The following VTA1 variants were observed in gnomAD, a reference collection of about 807,000 sequenced individuals.
VTA1 encodes vacuolar protein sorting-associated protein VTA1 homolog.
Under a neutral mutation model 36.9 loss-of-function variants are expected in VTA1, and 24 were observed. The ratio of observed to expected loss-of-function variants is 0.65; its 90% CI spans 0.47 to 0.91. VTA1 has a LOEUF of 0.91. Among genes scored for constraint, VTA1 ranks in the 40% least tolerant of loss-of-function variants. The probability of loss-of-function intolerance (pLI) is 0.00; values close to 1 mark genes in which losing one functional copy is unlikely to be tolerated. For missense variants in VTA1, 393 were observed against 377.2 expected, an observed-to-expected ratio of 1.04 and a Z score of -0.35; for synonymous variants, 142 against 130.2, an observed-to-expected ratio of 1.09 and a Z score of -0.62.
chr6:142,213,602 C>T (rs1775946179), intron 7 of VTA1, among the ~76,000 whole-genome samples: 1 of 152,268 alleles, frequency 6.6e-6, no homozygotes, highest in Admixed American at 6.5e-5. Flanking sequence ...CAGTGCAGCA[C>T]ACTTCTGCCT....
chr6:142,196,393 A>G (rs2114671482), intron 5 of VTA1, among the ~76,000 whole-genome samples: 1 of 152,302 alleles, frequency 6.6e-6, no homozygotes, highest in East Asian at 1.9e-4. Flanking sequence ...GTTTAAACAA[A>G]TCTAGATCTT....
intron 4 of VTA1, among the ~76,000 whole-genome samples, chr6:142,177,370 T>A (rs1331820711): frequency 6.6e-6 from 1 of 152,234 alleles, no homozygotes; most frequent in Non-Finnish European, 1.5e-5. Context: ...TATGTAAGCC[T>A]GTTTCAACAT....
intron 2 of VTA1, among the ~76,000 whole-genome samples, chr6:142,167,779 A>G (rs1204486919): frequency 6.6e-6 from 1 of 152,206 alleles, no homozygotes; most frequent in African/African-American, 2.4e-5. Flanking sequence ...GCATTTCTAC[A>G]GCTGCTTCTA....
At chr6:142,211,609 G>T (rs989477514) in intron 7 of VTA1, among the ~76,000 whole-genome samples, 2 of 151,908 alleles carry the variant, frequency 1.3e-5, no homozygotes, top group East Asian at 3.9e-4. Context: ...TACTCGGGAG[G>T]CTGAGGCAGG....
At chr6:142,158,778 T>C (rs1463019679) in intron 1 of VTA1, among the ~76,000 whole-genome samples, 1 of 152,166 alleles carries the variant, frequency 6.6e-6, no homozygotes, top group Admixed American at 6.5e-5. Context: ...AGTTACTAGA[T>C]ATTCCTCTTT....
chr6:142,198,113 ATATATATG>A (rs1426099204), intron 5 of VTA1, among the ~76,000 whole-genome samples: 2 of 116,968 alleles, frequency 1.7e-5, no homozygotes, highest in African/African-American at 7.2e-5. Flanking sequence ...AAATATATAT[ATATATATG>A]TGTGTGTGTG....
At position 142,219,262 on chromosome 6, in the gene VTA1, C is replaced by T. The variant is rs574160213; in HGVS notation, c.*619C>T. On this transcript the variant is annotated 3_prime_UTR_variant, in exon 8 of 8. Transcript: ENST00000367630. ...GTAAAGAGGTAGAATCACTTTCAGA[C>T]TTAAGAATAATGTTGATTTCCCAAG... 2 of 152,240 alleles carry T rather than the reference C, an allele frequency of 1.3e-5. No individual in the cohort carries two copies. Among genetic ancestry groups the T allele is most frequent in the East Asian group, 3.9e-4 (2 of 5,186 alleles). 9.4% of individuals were successfully genotyped at this position (152,240 alleles called of 1,614,324 possible). A position where few individuals can be genotyped will look rare whatever the true frequency, so the allele number is the denominator to read the frequency against.
intron 5 of VTA1, among the ~76,000 whole-genome samples, chr6:142,197,683 G>A (rs916956537): frequency 2.0e-5 from 3 of 152,098 alleles, no homozygotes; most frequent in African/African-American, 4.8e-5. Flanking sequence ...GTAAAAGTCC[G>A]CTGTCAGAAA....
rs555876258 is a variant in VTA1, at chr6:142,177,056, AT to A, written c.411+6637del. ...ATATTTTCCAACTACAAAAGCATTT[AT>A]TCCTTACATACACCATACTTTAGGT... On this transcript the variant is annotated intron_variant, in intron 4 of 7. Transcript: ENST00000367630. Among the ~76,000 whole-genome samples, 757 of 152,342 alleles carry A rather than the reference AT, an allele frequency of 5.0e-3. 5 individuals are homozygous for A. The highest frequency in any genetic ancestry group is 9.2e-3 in the Non-Finnish European group (625 of 68,012).
At position 142,181,273 on chromosome 6, in the gene VTA1, A is replaced by G. The variant is rs919774764; in HGVS notation, c.412-8153A>G. ...CTCAGCCTCCTGAGTAGCTGGGACT[A>G]CAGGTGGCTGCTACCATGCCCAGCT... On this transcript the variant is annotated intron_variant, in intron 4 of 7. Transcript: ENST00000367630. Among the ~76,000 whole-genome samples, 15 of 147,248 alleles carry G rather than the reference A, an allele frequency of 1.0e-4. No homozygotes were observed. The East Asian group carries it at 2.6e-3, about 25-fold the overall frequency.
intron 7 of VTA1, among the ~76,000 whole-genome samples, chr6:142,204,538 C>G (rs963053856): frequency 1.3e-5 from 2 of 152,122 alleles, no homozygotes; most frequent in African/African-American, 4.8e-5. Context: ...TAAGTATAAT[C>G]TTTACTACTT....
chr6:142,147,538 C>T (rs533462843), intron 1 of VTA1, 139 bp downstream of exon 1: 47 of 802,956 alleles, frequency 5.9e-5, no homozygotes, highest in Non-Finnish European at 6.0e-5. Flanking sequence ...CCAGGGAACT[C>T]CCTGGGTTCC....
rs558794357 is a variant in VTA1, at chr6:142,166,856, C to T, written c.207+534C>T. ...GGCCAGGCCTGTCTGAAACTCCTGA[C>T]CTCAAGTTATACACTCACCTCAGCC... is the stretch of plus-strand genomic sequence containing the variant. On this transcript the variant is annotated intron_variant, in intron 2 of 7. Transcript: ENST00000367630. 3.2e-4 allele frequency among the ~76,000 whole-genome samples: 48 copies of T among 152,250 alleles called. 1 individual carries two copies. The highest frequency in any genetic ancestry group is 1.7e-4 in the African/African-American group (7 of 41,552).
At chr6:142,186,568 G>T (rs1300952437) in intron 4 of VTA1, among the ~76,000 whole-genome samples, 1 of 151,922 alleles carries the variant, frequency 6.6e-6, no homozygotes, top group East Asian at 1.9e-4. Context: ...GTAAGGGAGT[G>T]GGGGGAGAGG....
In VTA1 at chr6:142,180,554, TAAAAAG is replaced by T. The variant is rs146710983; in HGVS notation, c.412-8869_412-8864del. Among the ~76,000 whole-genome samples, 1,267 of 152,270 alleles carry T rather than the reference TAAAAAG, an allele frequency of 8.3e-3. 18 individuals carry two copies. Among genetic ancestry groups the T allele is most frequent in the African/African-American group, 0.029 (1,197 of 41,536 alleles). ...TAAAAGTAGTAGGTGGAAAGTTTGATAAAAAGAAGTATATTTACATGTCTCTGAATA... is the reference window on the plus strand; with the variant it reads ...TAAAAGTAGTAGGTGGAAAGTTTGATAAGTATATTTACATGTCTCTGAATA... On this transcript the variant is annotated intron_variant, in intron 4 of 7. Transcript: ENST00000367630.
intron 4 of VTA1, among the ~76,000 whole-genome samples, chr6:142,181,929 C>A (rs1775249460): frequency 6.6e-6 from 1 of 152,126 alleles, no homozygotes; most frequent in African/African-American, 2.4e-5. Flanking sequence ...ATAAATATTT[C>A]AGTGTCTGAG....
intron 2 of VTA1, among the ~76,000 whole-genome samples, chr6:142,168,338 C>G (rs1010229346): frequency 6.6e-6 from 1 of 151,620 alleles, no homozygotes; most frequent in African/African-American, 2.4e-5. Flanking sequence ...AGCATTAAAT[C>G]TTTTCTGGAC....
At chr6:142,188,701 T>A (rs1476514503) in intron 4 of VTA1, among the ~76,000 whole-genome samples, 1 of 151,932 alleles carries the variant, frequency 6.6e-6, no homozygotes, top group Admixed American at 6.6e-5. Flanking sequence ...GTGGAAAATA[T>A]AAACTAAAAA....
At chr6:142,158,040 A>G (rs1338630573) in intron 1 of VTA1, among the ~76,000 whole-genome samples, 1 of 150,080 alleles carries the variant, frequency 6.7e-6, no homozygotes, top group Non-Finnish European at 1.5e-5. Context: ...GTTAAAAAAA[A>G]AAAAGCCTCC....
Sources: gnomAD v4.1 joint callset for allele counts (sites outside exome capture counted in the v4.1 genomes callset) on GRCh38, gnomAD v4.1.1 for gene constraint, MANE v1.5 for transcripts, NCBI Gene and HGNC (gene_info 2026-07-23, HGNC 2026-07-21) for gene names.